The following PHLPP1 variants were observed in gnomAD, a reference collection of about 807,000 sequenced individuals.
PHLPP1 encodes the protein PH domain leucine-rich repeat-containing protein phosphatase 1.
A neutral mutation model predicts 117.2 loss-of-function variants in PHLPP1; 42 were observed. That is an observed-to-expected ratio of 0.36 (90% CI 0.28 to 0.46). The LOEUF is 0.46. PHLPP1 is among the 20% of genes least tolerant of loss of function. The pLI is 1.00. For synonymous variants in PHLPP1, 1,042 were observed against 970.7 expected (o/e 1.07, Z -1.37); for missense variants, 2,084 against 2,241.9 (o/e 0.93, Z 1.42).
chr18:62,745,426 G>T (rs1911647957), intron 1 of PHLPP1, among the ~76,000 whole-genome samples: 1 of 152,160 alleles, frequency 6.6e-6, no homozygotes, highest in Non-Finnish European at 1.5e-5. Context: ...ATTGCATTAA[G>T]AAATCTAGCT....
chr18:62,972,618 A>G lies in PHLPP1; in HGVS notation c.3665A>G (p.Gln1222Arg), dbSNP rs1434023005. 6.2e-7 allele frequency: 1 copy of G among 1,613,968 alleles called. No homozygotes were observed. The highest frequency in any genetic ancestry group is 8.5e-7 in the Non-Finnish European group (1 of 1,179,840). Residue 1222 changes from glutamine to arginine, a missense_variant, in exon 15 of 17, where the codon CAG becomes CGG. By Grantham distance (43) the Gln-to-Arg change is conservative. Coordinates refer to ENST00000262719, the MANE Select transcript of PHLPP1 (RefSeq NM_194449.4). ...DRNVEVPYLL[Q>R]CTMSDILAEE... ...AATGTGGAGGTGCCCTACCTTCTCCAGTGCACTATGAGTGACATTTTGGCT... is the reference window on the plus strand; with the variant it reads ...AATGTGGAGGTGCCCTACCTTCTCCGGTGCACTATGAGTGACATTTTGGCT...
rs187316809 is a variant in PHLPP1 at position 62,792,967 on chromosome 18, G to C, written c.1577-37068G>C. Among the ~76,000 whole-genome samples, 815 of 151,956 alleles carry C rather than the reference G, an allele frequency of 5.4e-3. 16 individuals carry two copies. The highest frequency in any genetic ancestry group is 4.1e-3 in the Non-Finnish European group (279 of 67,958). On this transcript the variant is annotated intron_variant, in intron 1 of 16. Coordinates refer to ENST00000262719, the MANE Select transcript of PHLPP1 (RefSeq NM_194449.4). Reference sequence around the variant, plus strand: ...AGGTGGGTGGATCACCTGAGGTTGGGAGTTCGAGACCAGCCTGGCCAACAT... The same window carrying C: ...AGGTGGGTGGATCACCTGAGGTTGGCAGTTCGAGACCAGCCTGGCCAACAT...
chr18:62,879,924 T>C (rs1285773946), intron 4 of PHLPP1, among the ~76,000 whole-genome samples: 1 of 152,184 alleles, frequency 6.6e-6, no homozygotes, highest in African/African-American at 2.4e-5. Context: ...CTACTCATGT[T>C]CCTTAGGTAA....
intron 2 of PHLPP1, among the ~76,000 whole-genome samples, chr18:62,834,686 C>T (rs1914844413): frequency 6.6e-6 from 1 of 152,136 alleles, no homozygotes; most frequent in African/African-American, 2.4e-5. Flanking sequence ...GTGTAATTGA[C>T]AACAATAAAC....
At chr18:62,901,199 G>A (rs1916716155) in intron 6 of PHLPP1, among the ~76,000 whole-genome samples, 3 of 152,106 alleles carry the variant, frequency 2.0e-5, no homozygotes, top group African/African-American at 7.2e-5. Flanking sequence ...CCATTATGAA[G>A]GTTATTTGAA....
intron 1 of PHLPP1, among the ~76,000 whole-genome samples, chr18:62,759,422 A>G (rs1217024059): frequency 2.0e-5 from 3 of 152,238 alleles, no homozygotes; most frequent in Middle Eastern, 3.2e-3. Flanking sequence ...GAATTTATTC[A>G]CAAAGATATT....
chr18:62,834,306 A>G (rs1914832512), intron 2 of PHLPP1, among the ~76,000 whole-genome samples: 1 of 152,066 alleles, frequency 6.6e-6, no homozygotes, highest in African/African-American at 2.4e-5. Context: ...ACATCGCTCC[A>G]CCTTAATTGC....
intron 7 of PHLPP1, 118 bp downstream of exon 7, chr18:62,903,284 G>T: frequency 1.4e-6 from 1 of 723,666 alleles, no homozygotes. Context: ...CTCAAATTTT[G>T]CTAAAATAAA....
chr18:62,790,011 G>T (rs1652667676), intron 1 of PHLPP1, among the ~76,000 whole-genome samples: 1 of 152,160 alleles, frequency 6.6e-6, no homozygotes, highest in African/African-American at 2.4e-5. Context: ...TGAGGCTAGT[G>T]ATTTCATGGG....
chr18:62,882,011 T>C (rs1916184742), intron 4 of PHLPP1, among the ~76,000 whole-genome samples: 1 of 152,178 alleles, frequency 6.6e-6, no homozygotes, highest in Non-Finnish European at 1.5e-5. Context: ...GGGCAAAAGG[T>C]GTTCCTTCCT....
intron 10 of PHLPP1, among the ~76,000 whole-genome samples, chr18:62,924,561 CAG>C (rs1909567080): frequency 6.6e-6 from 1 of 150,802 alleles, no homozygotes; most frequent in Non-Finnish European, 1.5e-5. Context: ...GGGCCAGACA[CAG>C]TGGCTGACAC....
chr18:62,758,398 A>G (rs545095680), intron 1 of PHLPP1, among the ~76,000 whole-genome samples: 5 of 152,316 alleles, frequency 3.3e-5, no homozygotes, highest in African/African-American at 7.2e-5. Context: ...TTTGTCATCT[A>G]GTAAATGGGT....
At chr18:62,730,828 G>A (rs989795669) in intron 1 of PHLPP1, among the ~76,000 whole-genome samples, 2 of 151,784 alleles carry the variant, frequency 1.3e-5, no homozygotes, top group Non-Finnish European at 2.9e-5. Flanking sequence ...AGAACTTTGT[G>A]AGATTCAGAT....
At position 62,978,326 on chromosome 18, in the gene PHLPP1, G is replaced by C; in HGVS notation, c.4049G>C (p.Ser1350Thr). 1 of 1,613,186 alleles carries C rather than the reference G, an allele frequency of 6.2e-7. No individual in the cohort carries two copies. The highest frequency in any genetic ancestry group is 1.1e-5 in the South Asian group (1 of 90,914). Residue 1350 changes from serine to threonine, a missense_variant, in exon 17 of 17, where the codon AGT (serine) becomes ACT (threonine). Ser to Thr is a moderately conservative substitution (Grantham distance 58, BLOSUM62 1). Coordinates refer to ENST00000262719, the MANE Select transcript of PHLPP1 (RefSeq NM_194449.4). The surrounding 1 kb of genome is among the most constrained non-coding windows in gnomAD (Gnocchi z 7.0). Reference protein sequence around the residue: ...RILGYTFLHPSVVPRPHVQSV... With the variant: ...RILGYTFLHPTVVPRPHVQSV... ...CTGGGCTACACCTTCCTCCATCCCA[G>C]TGTGGTGCCTCGCCCCCACGTGCAG...
intron 10 of PHLPP1, among the ~76,000 whole-genome samples, chr18:62,932,555 A>G (rs1343027150): frequency 1.3e-5 from 2 of 152,236 alleles, no homozygotes; most frequent in Non-Finnish European, 2.9e-5. Context: ...GTCTTTGATT[A>G]AAATCCAGTA....
chr18:62,942,593 G>T (rs1450058241), intron 11 of PHLPP1, among the ~76,000 whole-genome samples: 1 of 152,106 alleles, frequency 6.6e-6, no homozygotes, highest in Non-Finnish European at 1.5e-5. Context: ...AATTTTCGGT[G>T]AGCGGTGACA....
At chr18:62,784,525 G>A (rs1163131816) in intron 1 of PHLPP1, among the ~76,000 whole-genome samples, 1 of 152,220 alleles carries the variant, frequency 6.6e-6, no homozygotes, top group African/African-American at 2.4e-5. Flanking sequence ...TTGTTCCAGT[G>A]AAGGCCAACT....
At chr18:62,947,447 C>T (rs563775574) in intron 12 of PHLPP1, among the ~76,000 whole-genome samples, 2 of 152,278 alleles carry the variant, frequency 1.3e-5, no homozygotes, top group East Asian at 1.9e-4. Context: ...GTTTATTTGC[C>T]GTTCAGCACA....
At chr18:62,788,426 CCCTT>C (rs954285293) in intron 1 of PHLPP1, among the ~76,000 whole-genome samples, 1 of 152,144 alleles carries the variant, frequency 6.6e-6, no homozygotes, top group African/African-American at 2.4e-5. Flanking sequence ...ATCAGTCCCT[CCCTT>C]CTCAGTTTAT....
Sources: allele counts gnomAD v4.1 joint callset (sites outside exome capture counted in the v4.1 genomes callset), GRCh38; gene constraint gnomAD v4.1.1; non-coding constraint Gnocchi (gnomAD v3.1); transcripts MANE v1.5; gene names NCBI Gene and HGNC (gene_info 2026-07-23, HGNC 2026-07-21).